The following SLC47A2 variants were observed in gnomAD, a reference collection of about 807,000 sequenced individuals.
SLC47A2 encodes multidrug and toxin extrusion protein 2.
SLC47A2 carries 52 observed loss-of-function variants against 67.7 expected under a neutral mutation model. The ratio of observed to expected loss-of-function variants is 0.77; its 90% CI spans 0.61 to 0.97. The LOEUF is 0.97. Among genes scored for constraint, SLC47A2 ranks in the 50% least tolerant of loss-of-function variants. The pLI is 0.00. For missense variants in SLC47A2, 676 were observed against 712.3 expected, an observed-to-expected ratio of 0.95 and a Z score of 0.58; for synonymous variants, 278 against 292.9, an observed-to-expected ratio of 0.95 and a Z score of 0.52.
chr17:19,701,346 C>T (rs1370577871), intron 13 of SLC47A2, among the ~76,000 whole-genome samples: 2 of 152,048 alleles, frequency 1.3e-5, no homozygotes, highest in Non-Finnish European at 2.9e-5. Flanking sequence ...TTCTGAATGC[C>T]CGGCTATATT....
chr17:19,699,937 C>T (rs557812822), intron 13 of SLC47A2, among the ~76,000 whole-genome samples: 5 of 152,204 alleles, frequency 3.3e-5, no homozygotes, highest in South Asian at 4.2e-4. Context: ...TGGAACTACT[C>T]GGTAATAAAA....
chr17:19,699,830 C>G (rs2085746234), intron 13 of SLC47A2, among the ~76,000 whole-genome samples: 1 of 152,210 alleles, frequency 6.6e-6, no homozygotes, highest in African/African-American at 2.4e-5. Flanking sequence ...TCCACGTGAA[C>G]ATTCTAAACA....
intron 2 of SLC47A2, 124 bp downstream of exon 2, chr17:19,714,992 T>G (rs543944591): frequency 7.8e-7 from 1 of 1,286,814 alleles, no homozygotes; most frequent in African/African-American, 1.5e-5. Flanking sequence ...TGAAGGCAGC[T>G]GTCCAGCCAC....
At chr17:19,713,686 G>T (rs970421666) in intron 4 of SLC47A2, 139 bp downstream of exon 4, 24 of 1,184,958 alleles carry the variant, frequency 2.0e-5, no homozygotes, top group Non-Finnish European at 2.7e-5. Flanking sequence ...AAGCCTGGAA[G>T]GTACCCACAG....
At chr17:19,692,639 T>G (rs2085567739) in intron 13 of SLC47A2, among the ~76,000 whole-genome samples, 1 of 152,194 alleles carries the variant, frequency 6.6e-6, no homozygotes, top group Admixed American at 6.5e-5. Context: ...CTTCACAAAC[T>G]CTTTTAGAAA....
At position 19,712,752 on chromosome 17, in the gene SLC47A2, G is replaced by T; in HGVS notation, c.444-7C>A. ...TACATAGTCCTGGGTCAACCTGCAA[G>T]AGAGGGAGAAGCTCCGGAGCTGACC... On this transcript the variant is annotated splice_region_variant and splice_polypyrimidine_tract_variant and intron_variant, in intron 4 of 16. Coordinates refer to ENST00000433844, the MANE Select transcript of SLC47A2 (RefSeq NM_001099646.3). 1 of 1,612,440 alleles carries T rather than the reference G, an allele frequency of 6.2e-7. No homozygotes were observed. The highest frequency in any genetic ancestry group is 8.5e-7 in the Non-Finnish European group (1 of 1,179,530).
At chr17:19,681,294 G>T in intron 15 of SLC47A2, 73 bp downstream of exon 15, 1 of 1,268,352 alleles carries the variant, frequency 7.9e-7, no homozygotes, top group Non-Finnish European at 1.1e-6. Flanking sequence ...GGGCATTTCT[G>T]GCTGAGTAGT....
At chr17:19,718,947 CG>C (rs1321311444), upstream of SLC47A2, 1 of 152,296 alleles carries the variant, frequency 6.6e-6, no homozygotes, top group African/African-American at 2.4e-5. Context: ...GATTCTGCCC[CG>C]GAACCTGAGA....
chr17:19,692,366 A>C (rs2085562631), intron 13 of SLC47A2: 7 of 389,302 alleles, frequency 1.8e-5, no homozygotes, highest in Non-Finnish European at 3.4e-5. Flanking sequence ...TGAGAGCATC[A>C]CTGCTGACCA....
chr17:19,699,006 A>G (rs963666063), intron 13 of SLC47A2, among the ~76,000 whole-genome samples: 5 of 152,198 alleles, frequency 3.3e-5, no homozygotes, highest in African/African-American at 1.2e-4. Context: ...GAACTTGAGC[A>G]TCTGTGGATT....
At chr17:19,705,238 C>A in intron 10 of SLC47A2, 198 bp downstream of exon 10, 1 of 499,592 alleles carries the variant, frequency 2.0e-6, no homozygotes. Context: ...AAATATCACC[C>A]TTGGTCGTCA....
At position 19,678,664 on chromosome 17, in the gene SLC47A2, T is replaced by C; in HGVS notation, c.*22A>G. The C allele has an allele frequency of 6.2e-7, 1 of 1,610,116 alleles. No homozygotes were observed. Among genetic ancestry groups the C allele is most frequent in the African/African-American group, 1.3e-5 (1 of 74,966 alleles). On this transcript the variant is annotated 3_prime_UTR_variant, in exon 17 of 17. Coordinates refer to ENST00000433844, the MANE Select transcript of SLC47A2 (RefSeq NM_001099646.3). ...CATACTGGGGACAGCCACTCCTGGC[T>C]TTCTATTTCCAAGCTTCTTTGCTAG...
At chr17:19,707,629 C>G in intron 8 of SLC47A2, 117 bp downstream of exon 8, 1 of 861,648 alleles carries the variant, frequency 1.2e-6, no homozygotes, top group Non-Finnish European at 1.8e-6. Flanking sequence ...GTGCAGGGTC[C>G]TGCACCTCCT....
chr17:19,713,779 C>T (rs754696266), intron 4 of SLC47A2, 46 bp downstream of exon 4: 3 of 1,584,122 alleles, frequency 1.9e-6, no homozygotes, highest in African/African-American at 2.7e-5. Flanking sequence ...CTCGGCGGCC[C>T]GGGTTTCCCA....
chr17:19,708,573 A>ATATG (rs1271232775), intron 6 of SLC47A2, 143 bp downstream of exon 6: 3 of 1,604,852 alleles, frequency 1.9e-6, no homozygotes, highest in Non-Finnish European at 2.6e-6. Flanking sequence ...GGAGGTCAGG[A>ATATG]TATGGCAGGT....
At chr17:19,692,342 A>G in intron 13 of SLC47A2, 1 of 417,034 alleles carries the variant, frequency 2.4e-6, no homozygotes, top group Non-Finnish European at 4.6e-6. Context: ...GATTACCAAA[A>G]TCAGAAATGA....
At chr17:19,689,533 C>CA (rs985672444) in intron 13 of SLC47A2, among the ~76,000 whole-genome samples, 3 of 151,706 alleles carry the variant, frequency 2.0e-5, no homozygotes, top group Non-Finnish European at 4.4e-5. Flanking sequence ...CCTGTCTCCA[C>CA]AAAAAATACA....
intron 13 of SLC47A2, among the ~76,000 whole-genome samples, chr17:19,695,515 C>CAAA (rs201305334): frequency 3.3e-5 from 3 of 91,402 alleles, no homozygotes; most frequent in South Asian, 3.6e-4. Flanking sequence ...AAAAAAACAG[C>CAAA]AAAAAAAAAA....
intron 13 of SLC47A2, among the ~76,000 whole-genome samples, chr17:19,684,778 A>G (rs2085386175): frequency 6.6e-6 from 1 of 152,078 alleles, no homozygotes; most frequent in Non-Finnish European, 1.5e-5. Context: ...GCAGAAGACT[A>G]AAACATGCAT....
Sources: allele counts gnomAD v4.1 joint callset (sites outside exome capture counted in the v4.1 genomes callset), GRCh38; gene constraint gnomAD v4.1.1; transcripts MANE v1.5; gene names NCBI Gene and HGNC (gene_info 2026-07-23, HGNC 2026-07-21).